TLCD3A: variants seen among roughly 807,000 people sequenced by gnomAD.
The protein encoded by TLCD3A is TLC domain containing 3A, also known as TLC domain-containing protein 3A.
TLCD3A carries 17 observed loss-of-function variants against 29.9 expected under a neutral mutation model. The observed-to-expected ratio is 0.57, with a 90% confidence interval of 0.39 to 0.85. The LOEUF (loss-of-function observed/expected upper bound fraction) is 0.85. Ranked by LOEUF, TLCD3A falls within the 40% of genes least tolerant of loss-of-function variation. TLCD3A has a pLI of 0.00. For missense variants in TLCD3A, 332 were observed against 350.8 expected, an observed-to-expected ratio of 0.95 and a Z score of 0.43; for synonymous variants, 143 against 147.7, an observed-to-expected ratio of 0.97 and a Z score of 0.23.
At chr17:738,092 G>GTT in intron 3 of TLCD3A, 45 bp downstream of exon 3, 2 of 458,270 alleles carry the variant, frequency 4.4e-6, no homozygotes, top group African/African-American at 7.6e-5. Flanking sequence ...GTTGAGCTGG[G>GTT]TGTCTTTTTT....
intron 2 of TLCD3A, among the ~76,000 whole-genome samples, chr17:736,565 T>C (rs552220449): frequency 9.9e-4 from 151 of 152,328 alleles, no homozygotes; most frequent in African/African-American, 3.1e-3. Flanking sequence ...ATGGGAAAAC[T>C]GTCTTTTGAC....
At chr17:735,039 T>C (rs1433280187) in intron 2 of TLCD3A, among the ~76,000 whole-genome samples, 1 of 151,650 alleles carries the variant, frequency 6.6e-6, no homozygotes, top group African/African-American at 2.4e-5. Flanking sequence ...TTTCTTTTTA[T>C]TGAGATGGAG....
At chr17:735,959 G>A (rs1379655987) in intron 2 of TLCD3A, among the ~76,000 whole-genome samples, 2 of 126,690 alleles carry the variant, frequency 1.6e-5, no homozygotes, top group Admixed American at 9.3e-5. Context: ...GGGCGACAGA[G>A]CAAGATTTTG....
rs530420476 is a variant in TLCD3A at position 733,131 on chromosome 17, C to T, written c.156C>T (p.Thr52=). ...LVSSVHAVLA[T]GSGIVIIRSC... is the part of the protein sequence containing the mutation. ...CCTCGGTGCACGCCGTGCTGGCCAC[C>T]GGCTCGGGGATCGTCATCATTCGCT... Residue 52 remains threonine (T), a synonymous_variant, in exon 2 of 5, where the codon ACC becomes ACT. Transcript: ENST00000308278. 3.8e-6 allele frequency: 6 copies of T among 1,589,972 alleles called. No individual in the cohort carries two copies. The highest frequency in any genetic ancestry group is 1.4e-5 in the African/African-American group (1 of 73,792).
intron 2 of TLCD3A, among the ~76,000 whole-genome samples, chr17:736,166 C>G (rs1974151293): frequency 6.6e-6 from 1 of 152,086 alleles, no homozygotes; most frequent in Non-Finnish European, 1.5e-5. Context: ...TGTTGCAGTT[C>G]AGCGGACTGG....
chr17:739,260 C>A (rs952273713), intron 3 of TLCD3A, among the ~76,000 whole-genome samples: 1 of 152,064 alleles, frequency 6.6e-6, no homozygotes, highest in Non-Finnish European at 1.5e-5. Context: ...AGTGCAATGG[C>A]TCACTGCAAC....
intron 2 of TLCD3A, among the ~76,000 whole-genome samples, chr17:736,559 G>A (rs1348817929): frequency 7.2e-5 from 11 of 152,148 alleles, no homozygotes; most frequent in Non-Finnish European, 1.6e-4. Flanking sequence ...AAGTAAATGG[G>A]AAAACTGTCT....
intron 3 of TLCD3A, 32 bp downstream of exon 3, chr17:738,079 T>A (rs774951628): frequency 2.7e-5 from 27 of 996,790 alleles, no homozygotes; most frequent in Non-Finnish European, 3.8e-5. Flanking sequence ...GACCAGCAGC[T>A]GGGTTGAGCT....
chr17:741,568 T>A lies in TLCD3A; in HGVS notation c.772T>A (p.Ter258LysextTer34), dbSNP rs758115014. The change falls in exon 5 of 5, where the codon TAA (stop) becomes AAA (lysine). Residue 258 changes from the stop codon to lysine (K), a stop_lost. Coordinates refer to ENST00000308278, the MANE Select transcript of TLCD3A (RefSeq NM_024792.3). ...FDTPQAKKDG[*>K] Reference sequence around the variant, plus strand: ...CACTCCCCAAGCCAAAAAGGATGGCTAAATGCTCCTGGGAGTCAGGCGCAG... The same window carrying A: ...CACTCCCCAAGCCAAAAAGGATGGCAAAATGCTCCTGGGAGTCAGGCGCAG... 13 of 1,611,980 alleles carry A rather than the reference T, an allele frequency of 8.1e-6. No homozygotes were observed. Among genetic ancestry groups the A allele is most frequent in the Middle Eastern group, 3.3e-4 (2 of 6,084 alleles).
chr17:740,612 T>C lies in TLCD3A; in HGVS notation c.504+12T>C. ...GGGTTCTGATTCAGGCATGTATGAATGAAATGACAGAGAGTGTGAGGGTTC... is the reference window on the plus strand; with the variant it reads ...GGGTTCTGATTCAGGCATGTATGAACGAAATGACAGAGAGTGTGAGGGTTC... On this transcript the variant is annotated intron_variant, in intron 4 of 4. Transcript: ENST00000308278. 2 of 1,606,598 alleles carry C rather than the reference T, an allele frequency of 1.2e-6. No individual in the cohort carries two copies. Among genetic ancestry groups the C allele is most frequent in the Non-Finnish European group, 1.7e-6 (2 of 1,173,858 alleles).
At chr17:735,846 G>A (rs1250629752) in intron 2 of TLCD3A, among the ~76,000 whole-genome samples, 1 of 151,794 alleles carries the variant, frequency 6.6e-6, no homozygotes, top group African/African-American at 2.4e-5. Flanking sequence ...GTGGCGGCAG[G>A]TACCTGTAAT....
chr17:740,259 C>T (rs531243313), intron 3 of TLCD3A, among the ~76,000 whole-genome samples: 18 of 152,208 alleles, frequency 1.2e-4, no homozygotes, highest in African/African-American at 3.4e-4. Flanking sequence ...GCCTTCCTTC[C>T]GGCTGTCATC....
intron 2 of TLCD3A, among the ~76,000 whole-genome samples, chr17:737,432 T>A (rs1245797376): frequency 6.6e-6 from 1 of 151,954 alleles, no homozygotes; most frequent in Non-Finnish European, 1.5e-5. Context: ...AACCCCCAAC[T>A]GTTGAGCAGC....
At chr17:740,946 A>T (rs982125962) in intron 4 of TLCD3A, among the ~76,000 whole-genome samples, 4 of 152,292 alleles carry the variant, frequency 2.6e-5, no homozygotes, top group African/African-American at 9.6e-5. Context: ...GTGAAATTGT[A>T]GGTTTGATCT....
At position 732,677 on chromosome 17, in the gene TLCD3A, C is replaced by T. The variant is rs982735179; in HGVS notation, c.30C>T (p.Leu10=). 12 of 1,407,396 alleles carry T rather than the reference C, an allele frequency of 8.5e-6. No individual in the cohort carries two copies. In the Admixed American group the frequency reaches 2.4e-4, roughly 28 times the overall value. The allele number at this position is 1,407,396 out of a possible 1,614,324, so 87.2% of individuals were successfully genotyped here. A position where few individuals can be genotyped will look rare whatever the true frequency, so the allele number is the denominator to read the frequency against. ...TGCTGACGCTGGCCGGGGGCGCGCT[C>T]TTCTTCCCGGGGCTCTTCGCGCTCT... MLLTLAGGA[L]FFPGLFALCT... The change falls in exon 1 of 5, where the codon CTC becomes CTT. Residue 10 remains leucine, a synonymous_variant. Coordinates refer to ENST00000308278, the MANE Select transcript of TLCD3A (RefSeq NM_024792.3).
chr17:732,741 C>A lies in TLCD3A; in HGVS notation c.94C>A (p.Arg32Ser). Residue 32 changes from arginine to serine, a missense_variant, in exon 1 of 5, where the codon CGC (arginine) becomes AGC (serine). Transcript: ENST00000308278. ...GCGCCGCTCCCAGCCCGGATGGAGC[C>A]GCACCGACTGCGTGATGATCAGCAC... is the stretch of plus-strand genomic sequence containing the variant. ...ALRRSQPGWS[R>S]TDCVMISTRL... The A allele has an allele frequency of 6.9e-7, 1 of 1,454,516 alleles. No homozygotes were observed. Among genetic ancestry groups the A allele is most frequent in the Non-Finnish European group, 9.0e-7 (1 of 1,105,876 alleles). 90.1% of individuals were successfully genotyped at this position (1,454,516 alleles called of 1,614,324 possible). A position where few individuals can be genotyped will look rare whatever the true frequency, so the allele number is the denominator to read the frequency against.
At chr17:736,781 A>T (rs1974161162) in intron 2 of TLCD3A, among the ~76,000 whole-genome samples, 1 of 151,522 alleles carries the variant, frequency 6.6e-6, no homozygotes. Context: ...TCAGCCTCCC[A>T]AGTAGCTGGG....
intron 2 of TLCD3A, among the ~76,000 whole-genome samples, chr17:737,076 A>G (rs1008324617): frequency 6.6e-6 from 1 of 150,854 alleles, no homozygotes; most frequent in African/African-American, 2.4e-5. Flanking sequence ...CAGTGGCGCA[A>G]TATCGGCTCA....
At chr17:735,070 T>C (rs921831317) in intron 2 of TLCD3A, among the ~76,000 whole-genome samples, 1 of 152,198 alleles carries the variant, frequency 6.6e-6, no homozygotes, top group Non-Finnish European at 1.5e-5. Flanking sequence ...TCACTCAGAC[T>C]GGAGTGCAGT....
Sources: allele counts gnomAD v4.1 joint callset (sites outside exome capture counted in the v4.1 genomes callset), GRCh38; gene constraint gnomAD v4.1.1; transcripts MANE v1.5; gene names NCBI Gene and HGNC (gene_info 2026-07-23, HGNC 2026-07-21).